SCAMP1: variants seen among roughly 807,000 people sequenced by gnomAD.
SCAMP1 encodes secretory carrier-associated membrane protein 1.
In SCAMP1, 15 loss-of-function variants were observed where a neutral mutation model predicts 41.8. That is an observed-to-expected ratio of 0.36 (90% CI 0.24 to 0.55). The LOEUF (loss-of-function observed/expected upper bound fraction) is 0.55. Ranked by LOEUF, SCAMP1 falls within the 20% of genes least tolerant of loss-of-function variation. The pLI, the probability that SCAMP1 is intolerant of heterozygous loss-of-function variation, is 0.86. For synonymous variants in SCAMP1, 135 were observed against 136.8 expected (o/e 0.99, Z 0.09); for missense variants, 341 against 412.6 (o/e 0.83, Z 1.50).
At chr5:78,363,770 G>T (rs886147042) in intron 1 of SCAMP1, among the ~76,000 whole-genome samples, 1 of 151,986 alleles carries the variant, frequency 6.6e-6, no homozygotes, top group Non-Finnish European at 1.5e-5. Context: ...TGGTTTACTT[G>T]ATTTTATTGG....
chr5:78,423,335 A>G (rs1267848352), intron 6 of SCAMP1, among the ~76,000 whole-genome samples: 2 of 152,216 alleles, frequency 1.3e-5, no homozygotes, highest in African/African-American at 2.4e-5. Context: ...GAGAGGAATG[A>G]AAGGAACATA....
chr5:78,381,224 G>C (rs555658835), intron 1 of SCAMP1, among the ~76,000 whole-genome samples: 1 of 152,328 alleles, frequency 6.6e-6, no homozygotes, highest in African/African-American at 2.4e-5. Flanking sequence ...GACTTGGGTA[G>C]AGGGAAGGTA....
At chr5:78,461,118 A>T (rs997532252) in intron 8 of SCAMP1, among the ~76,000 whole-genome samples, 10 of 152,114 alleles carry the variant, frequency 6.6e-5, no homozygotes, top group African/African-American at 2.4e-4. Context: ...AAGTACTGGG[A>T]TTACAGGCAT....
chr5:78,421,871 G>C lies in SCAMP1; in HGVS notation c.543G>C (p.Ala181=). The C allele has an allele frequency of 6.2e-7, 1 of 1,613,674 alleles. No individual in the cohort carries two copies. Among genetic ancestry groups the C allele is most frequent in the Non-Finnish European group, 8.5e-7 (1 of 1,179,706 alleles). The change falls in exon 6 of 9, where the codon GCG becomes GCC. Residue 181 remains alanine (A), a synonymous_variant. Transcript: ENST00000621999. ...LAWFCVDSAR[A]VDFGLSILWF... Reference sequence around the variant, plus strand: ...GGTTTTGTGTTGATTCTGCAAGAGCGGTTGATTTTGGATTGAGTATCCTGT... The same window carrying C: ...GGTTTTGTGTTGATTCTGCAAGAGCCGTTGATTTTGGATTGAGTATCCTGT...
In SCAMP1 at chr5:78,452,653, G is replaced by A. The variant is rs950276754; in HGVS notation, c.734+2619G>A. Among the ~76,000 whole-genome samples the A allele has an allele frequency of 1.7e-4, 26 of 151,622 alleles. 1 individual carries two copies. The highest frequency in any genetic ancestry group is 3.4e-4 in the Non-Finnish European group (23 of 67,960). The stretch of plus-strand genomic sequence containing the variant: ...GAATAATGCTGCAATAAACATACGT[G>A]TGCATGTGTCTTTATAGCAGCATGA... On this transcript the variant is annotated intron_variant, in intron 7 of 8. Transcript: ENST00000621999.
At chr5:78,408,674 C>T (rs562441013) in intron 2 of SCAMP1, among the ~76,000 whole-genome samples, 70 of 152,240 alleles carry the variant, frequency 4.6e-4, no homozygotes, top group South Asian at 1.7e-3. Context: ...GATCTTGGCT[C>T]GTTACAACCT....
At chr5:78,392,629 C>T (rs1751549197) in intron 2 of SCAMP1, among the ~76,000 whole-genome samples, 1 of 152,152 alleles carries the variant, frequency 6.6e-6, no homozygotes, top group African/African-American at 2.4e-5. Context: ...TAGTGAGAAG[C>T]CAATTTACAA....
intron 2 of SCAMP1, among the ~76,000 whole-genome samples, chr5:78,392,611 C>G (rs10474544): frequency 0.37 from 56,334 of 152,046 alleles, 12,610 homozygotes; most frequent in Non-Finnish European, 0.5. Context: ...GAGCAAGGAG[C>G]TAGGCAATAG....
chr5:78,419,890 T>C (rs1752298601), intron 5 of SCAMP1, among the ~76,000 whole-genome samples: 1 of 152,240 alleles, frequency 6.6e-6, no homozygotes, highest in Non-Finnish European at 1.5e-5. Flanking sequence ...GAGATATTCT[T>C]GATCTAATAT....
At chr5:78,396,190 A>C (rs781409906) in intron 2 of SCAMP1, among the ~76,000 whole-genome samples, 2 of 152,154 alleles carry the variant, frequency 1.3e-5, no homozygotes, top group African/African-American at 2.4e-5. Flanking sequence ...GTCATTATAC[A>C]TTTGTCCAAA....
chr5:78,460,804 CCTCCCTT>C (rs1753581162), intron 8 of SCAMP1, among the ~76,000 whole-genome samples: 2 of 24,718 alleles, frequency 8.1e-5, no homozygotes, highest in Non-Finnish European at 2.3e-4. Flanking sequence ...TTCCTTCCTT[CCTCCCTT>C]CCTTCCTTCC....
chr5:78,415,332 A>G (rs1752185045), intron 2 of SCAMP1, among the ~76,000 whole-genome samples, 188 bp from the exon 3 acceptor site: 1 of 152,244 alleles, frequency 6.6e-6, no homozygotes, highest in African/African-American at 2.4e-5. Flanking sequence ...GAGTTGAAAA[A>G]TGAATGAGTT....
intron 1 of SCAMP1, among the ~76,000 whole-genome samples, chr5:78,379,479 T>C (rs1259748299): frequency 6.6e-6 from 1 of 152,218 alleles, no homozygotes; most frequent in Non-Finnish European, 1.5e-5. Flanking sequence ...GTATATTGTG[T>C]ACATGCTTTA....
chr5:78,467,060 T>C (rs1753766832), intron 8 of SCAMP1, among the ~76,000 whole-genome samples: 1 of 152,136 alleles, frequency 6.6e-6, no homozygotes, highest in Admixed American at 6.5e-5. Flanking sequence ...ACCTTGAATT[T>C]GGGGAGTTTA....
At chr5:78,414,688 T>G (rs931926623) in intron 2 of SCAMP1, among the ~76,000 whole-genome samples, 4 of 152,232 alleles carry the variant, frequency 2.6e-5, no homozygotes, top group African/African-American at 9.6e-5. Context: ...CCCCCATTGA[T>G]GGACTTGTAG....
chr5:78,380,525 AGT>A (rs1287607415), intron 1 of SCAMP1, among the ~76,000 whole-genome samples: 2 of 152,054 alleles, frequency 1.3e-5, no homozygotes, highest in South Asian at 2.1e-4. Flanking sequence ...AGTCTTAATG[AGT>A]GTTTCTTTTA....
chr5:78,398,349 T>C (rs1220299283), intron 2 of SCAMP1, among the ~76,000 whole-genome samples: 1 of 135,942 alleles, frequency 7.4e-6, no homozygotes, highest in South Asian at 2.4e-4. Flanking sequence ...ATCCTAGGGT[T>C]CACCTCTTTT....
intron 8 of SCAMP1, among the ~76,000 whole-genome samples, chr5:78,465,882 CCTTT>C (rs1385685847): frequency 6.6e-6 from 1 of 152,200 alleles, no homozygotes; most frequent in African/African-American, 2.4e-5. Flanking sequence ...GTTCTTAAGG[CCTTT>C]CAACAGATTG....
intron 4 of SCAMP1, 76 bp from the exon 5 acceptor site, chr5:78,418,699 T>G: frequency 1.0e-6 from 1 of 995,624 alleles, no homozygotes; most frequent in Non-Finnish European, 1.5e-6. Flanking sequence ...GAGTTTTTCT[T>G]TATTATGAAA....
Sources: gnomAD v4.1 joint callset for allele counts (sites outside exome capture counted in the v4.1 genomes callset) on GRCh38, gnomAD v4.1.1 for gene constraint, MANE v1.5 for transcripts, NCBI Gene and HGNC (gene_info 2026-07-23, HGNC 2026-07-21) for gene names.